Variants in WWP1 observed in about 807,000 individuals in gnomAD.
The protein encoded by WWP1 is NEDD4-like E3 ubiquitin-protein ligase WWP1.
WWP1 carries 49 observed loss-of-function variants against 130.6 expected under a neutral mutation model. The observed-to-expected ratio is 0.38, with a 90% CI of 0.30 to 0.48. The LOEUF (loss-of-function observed/expected upper bound fraction) is 0.48, where lower values mean the gene tolerates loss of function less well. Among genes scored for constraint, WWP1 ranks in the 20% least tolerant of loss-of-function variants. The pLI, the probability that WWP1 is intolerant of heterozygous loss-of-function variation, is 0.99. For synonymous variants in WWP1, 332 were observed against 367.8 expected (o/e 0.90, Z 1.11); for missense variants, 809 against 1,100.6 (o/e 0.74, Z 3.75).
chr8:86,389,958 G>C (rs1218161099), intron 5 of WWP1, among the ~76,000 whole-genome samples: 1 of 151,442 alleles, frequency 6.6e-6, no homozygotes, highest in Admixed American at 6.6e-5. Flanking sequence ...GCCAGGCGGA[G>C]GGGCTCCTCA....
chr8:86,467,100 A>T lies in WWP1; in HGVS notation c.*207A>T, dbSNP rs1812216758. On this transcript the variant is annotated 3_prime_UTR_variant, in exon 25 of 25. Transcript: ENST00000517970. ...TTCCCTTGAAATGACTGACCAGGAA[A>T]AAGATCATCCTTAAATTTTGAAGCA... 4.6e-6 allele frequency: 2 copies of T among 435,282 alleles called. No homozygotes were observed. Among genetic ancestry groups the T allele is most frequent in the African/African-American group, 4.2e-5 (2 of 47,974 alleles). 27.0% of individuals were successfully genotyped at this position (435,282 alleles called of 1,614,324 possible).
intron 17 of WWP1, chr8:86,440,561 C>T: frequency 7.9e-6 from 3 of 380,170 alleles, no homozygotes; most frequent in South Asian, 6.2e-5. Flanking sequence ...CCTCTGGGTG[C>T]CCACACAGTC....
chr8:86,375,546 A>T (rs886281171), intron 3 of WWP1, among the ~76,000 whole-genome samples: 1 of 150,730 alleles, frequency 6.6e-6, no homozygotes, highest in East Asian at 1.9e-4. Flanking sequence ...ATTCTTGCAT[A>T]CTTCTCTGTG....
intron 11 of WWP1, 110 bp from the exon 12 acceptor site, chr8:86,430,586 AT>A: frequency 2.2e-6 from 2 of 892,794 alleles, no homozygotes; most frequent in South Asian, 2.3e-5. Context: ...CCCTTATCAT[AT>A]TTTTAGAAAA....
At position 86,398,396 on chromosome 8, in the gene WWP1, C is replaced by T. The variant is rs753820908; in HGVS notation, c.389C>T (p.Ala130Val). The change falls in exon 6 of 25, where the codon GCA (alanine) becomes GTA (valine). Residue 130 changes from alanine to valine, a missense_variant. Physicochemically the swap from Ala to Val is moderately conservative, Grantham distance 64. Transcript: ENST00000517970. ...KLSLENKNGI[A>V]QTGELTVVLD... is the part of the protein sequence containing the mutation. ...TCCTTGGAAAACAAGAATGGCATAGCACAAACTGGTGAATTGACAGTTGTG... is the reference window on the plus strand; with the variant it reads ...TCCTTGGAAAACAAGAATGGCATAGTACAAACTGGTGAATTGACAGTTGTG... 2.1e-5 allele frequency: 34 copies of T among 1,611,424 alleles called. No individual in the cohort carries two copies. Among genetic ancestry groups the T allele is most frequent in the Non-Finnish European group, 2.6e-5 (31 of 1,178,620 alleles).
Position 86,461,860 on chromosome 8 carries a change from T to G in WWP1, c.2669+14T>G. 1 of 1,600,868 alleles carries G rather than the reference T, an allele frequency of 6.2e-7. No individual in the cohort carries two copies. Among genetic ancestry groups the G allele is most frequent in the Non-Finnish European group, 8.5e-7 (1 of 1,171,086 alleles). On this transcript the variant is annotated intron_variant, in intron 24 of 24. Coordinates refer to ENST00000517970, the MANE Select transcript of WWP1 (RefSeq NM_007013.4). ...AAGCCATACATGGTAAGTTCAAGAA[T>G]CCTAAATACGAAGGTGAAAGCCACA...
At chr8:86,455,964 T>C (rs1452593411) in intron 21 of WWP1, among the ~76,000 whole-genome samples, 1 of 151,950 alleles carries the variant, frequency 6.6e-6, no homozygotes, top group Non-Finnish European at 1.5e-5. Flanking sequence ...CACACCTACA[T>C]TGTCAATTGA....
intron 1 of WWP1, 107 bp from the exon 2 acceptor site, chr8:86,368,832 C>G (rs1411599926): frequency 6.6e-6 from 1 of 152,140 alleles, no homozygotes; most frequent in African/African-American, 2.4e-5. Flanking sequence ...TTCTTGATCC[C>G]TGAAGGCTGG....
At chr8:86,409,685 G>A (rs1226336214) in intron 8 of WWP1, among the ~76,000 whole-genome samples, 2 of 151,632 alleles carry the variant, frequency 1.3e-5, no homozygotes, top group Admixed American at 1.3e-4. Flanking sequence ...CAAGGTGAAA[G>A]CCCATCTCTA....
At chr8:86,400,289 G>A (rs925543214) in intron 7 of WWP1, among the ~76,000 whole-genome samples, 3 of 151,802 alleles carry the variant, frequency 2.0e-5, no homozygotes, top group African/African-American at 7.3e-5. Flanking sequence ...CTGAGATCGC[G>A]CCATTGCACT....
rs577631561 is a variant in WWP1, at chr8:86,390,658, C to T, written c.335-7684C>T. On this transcript the variant is annotated intron_variant, in intron 5 of 24. Transcript: ENST00000517970. ...AGATGGCGGCAGCACAGTCCAGCCT[C>T]GGCTCAGCATCAGAGGGAGACCGTG... Among the ~76,000 whole-genome samples the T allele has an allele frequency of 1.0e-3, 153 of 146,628 alleles. 3 individuals carry two copies. The South Asian group carries it at 0.019, about 18-fold the overall frequency.
At chr8:86,445,341 CCT>C (rs1810804924) in intron 18 of WWP1, among the ~76,000 whole-genome samples, 1 of 152,128 alleles carries the variant, frequency 6.6e-6, no homozygotes, top group African/African-American at 2.4e-5. Flanking sequence ...TGCCTTCCTC[CCT>C]CTCTCCCTCC....
chr8:86,381,200 T>C (rs1323733347), intron 4 of WWP1, among the ~76,000 whole-genome samples: 1 of 152,180 alleles, frequency 6.6e-6, no homozygotes, highest in African/African-American at 2.4e-5. Flanking sequence ...ATGTAAGTCT[T>C]TAGACATTTG....
chr8:86,376,756 G>C lies in WWP1; in HGVS notation c.70+2636G>C, dbSNP rs76650523. Among the ~76,000 whole-genome samples, 1,063 of 152,312 alleles carry C rather than the reference G, an allele frequency of 7.0e-3. 7 individuals are homozygous for C. The highest frequency in any genetic ancestry group is 0.018 in the South Asian group (87 of 4,824). On this transcript the variant is annotated intron_variant, in intron 3 of 24. Coordinates refer to ENST00000517970, the MANE Select transcript of WWP1 (RefSeq NM_007013.4). ...ACAGTATTTATCATTTTGAGCGTCA[G>C]TTGCTGCTCTCCTTTGAAATACAGT...
At position 86,342,749 on chromosome 8, in the gene WWP1, C is replaced by T. The variant is rs1822268267; in HGVS notation, c.-296C>T. 1 of 362,548 alleles carries T rather than the reference C, an allele frequency of 2.8e-6. No individual in the cohort carries two copies. The highest frequency in any genetic ancestry group is 4.9e-6 in the Non-Finnish European group (1 of 203,158). The allele number at this position is 362,548 out of a possible 1,614,324, so 22.5% of individuals were successfully genotyped here. On this transcript the variant is annotated 5_prime_UTR_variant, in exon 1 of 25. Coordinates refer to ENST00000517970, the MANE Select transcript of WWP1 (RefSeq NM_007013.4). ...GAGGGTCGGGTGTCGGCGAGCTCCGCGTGCGGGTTCCGAGTGGCTGCTGGC... is the reference window on the plus strand; with the variant it reads ...GAGGGTCGGGTGTCGGCGAGCTCCGTGTGCGGGTTCCGAGTGGCTGCTGGC...
intron 1 of WWP1, among the ~76,000 whole-genome samples, chr8:86,359,820 C>T (rs1411068317): frequency 1.3e-5 from 2 of 151,898 alleles, no homozygotes; most frequent in East Asian, 1.9e-4. Flanking sequence ...GAGGCGGAGG[C>T]GGGCGGATCA....
chr8:86,459,197 G>A (rs921704646), intron 22 of WWP1, among the ~76,000 whole-genome samples: 2 of 151,328 alleles, frequency 1.3e-5, no homozygotes, highest in Non-Finnish European at 2.9e-5. Context: ...CACCATGCCC[G>A]GCTAGTTTTT....
At chr8:86,436,201 AC>A (rs1312622153) in intron 16 of WWP1, among the ~76,000 whole-genome samples, 4 of 152,188 alleles carry the variant, frequency 2.6e-5, no homozygotes, top group African/African-American at 9.7e-5. Context: ...ATGTGTATTT[AC>A]TAAAATAAAG....
intron 20 of WWP1, among the ~76,000 whole-genome samples, chr8:86,450,793 A>G (rs1204625683): frequency 6.6e-6 from 1 of 152,168 alleles, no homozygotes; most frequent in Non-Finnish European, 1.5e-5. Context: ...CAGTGAATCT[A>G]TAAGTAAATG....
Sources: allele counts gnomAD v4.1 joint callset (sites outside exome capture counted in the v4.1 genomes callset), GRCh38; gene constraint gnomAD v4.1.1; transcripts MANE v1.5; gene names NCBI Gene and HGNC (gene_info 2026-07-23, HGNC 2026-07-21).